Variants in LIMCH1 observed in about 807,000 individuals in gnomAD.
LIMCH1 encodes the protein LIM and calponin homology domains-containing protein 1.
In LIMCH1, 113 loss-of-function variants were observed where a neutral mutation model predicts 176.5. That is an observed-to-expected ratio of 0.64 (90% CI 0.55 to 0.75). The LOEUF is 0.75. Among genes scored for constraint, LIMCH1 ranks in the 30% least tolerant of loss-of-function variants. LIMCH1 has a pLI of 0.00. For synonymous variants in LIMCH1, 619 were observed against 645.9 expected, an observed-to-expected ratio of 0.96 and a Z score of 0.63; for missense variants, 1,674 against 1,814.9, an observed-to-expected ratio of 0.92 and a Z score of 1.41.
rs886235155 is a variant in LIMCH1, at chr4:41,627,107, T to G, written c.1028+97T>G. 3 of 1,419,620 alleles carry G rather than the reference T, an allele frequency of 2.1e-6. No individual in the cohort carries two copies. The African/African-American group carries it at 4.3e-5, about 20-fold the overall frequency. The allele number at this position is 1,419,620 out of a possible 1,614,324, so 87.9% of individuals were successfully genotyped here. ...ATAATTAAGTGAAGTCAGTTTGTAT[T>G]GTACCCCCTCCAGTTCCTCTTTCCA... On this transcript the variant is annotated intron_variant, in intron 8 of 31. Transcript: ENST00000503057.
intron 1 of LIMCH1, among the ~76,000 whole-genome samples, chr4:41,367,770 A>G: frequency 6.6e-6 from 1 of 151,378 alleles, no homozygotes. Context: ...GGAACGCTGA[A>G]ACAGGAGAAT....
Position 41,619,177 on chromosome 4 carries a change from C to T in LIMCH1, c.206-11C>T, listed in dbSNP as rs757048049. On this transcript the variant is annotated splice_polypyrimidine_tract_variant and intron_variant, in intron 5 of 31. Transcript: ENST00000503057. ...AACACACTTTCTCAGTACCCATCCT[C>T]TCTTCCCTAGGGAGAGGAAGCGACT... The T allele has an allele frequency of 2.9e-5, 46 of 1,613,926 alleles. No homozygotes were observed. The highest frequency in any genetic ancestry group is 1.0e-5 in the Non-Finnish European group (12 of 1,179,918).
chr4:41,400,327 C>T (rs2058291995), intron 1 of LIMCH1, among the ~76,000 whole-genome samples: 1 of 152,022 alleles, frequency 6.6e-6, no homozygotes, highest in African/African-American at 2.4e-5. Context: ...AATTTTTTAC[C>T]TTTGTATTCA....
At chr4:41,567,630 A>G (rs1010633525) in intron 1 of LIMCH1, among the ~76,000 whole-genome samples, 3 of 152,170 alleles carry the variant, frequency 2.0e-5, no homozygotes, top group African/African-American at 7.2e-5. Context: ...GTGTTACTGC[A>G]TTTTATAGAT....
At chr4:41,404,792 T>C (rs901674945) in intron 1 of LIMCH1, among the ~76,000 whole-genome samples, 2 of 151,978 alleles carry the variant, frequency 1.3e-5, no homozygotes, top group African/African-American at 4.8e-5. Context: ...AAACAAATAA[T>C]AATAATTGAT....
intron 1 of LIMCH1, among the ~76,000 whole-genome samples, chr4:41,489,578 A>G (rs2070357859): frequency 6.6e-6 from 1 of 152,120 alleles, no homozygotes; most frequent in Non-Finnish European, 1.5e-5. Flanking sequence ...GTTTAAAAAT[A>G]TTTGGGGATT....
At position 41,692,350 on chromosome 4, in the gene LIMCH1, C is replaced by T. The variant is rs748597373; in HGVS notation, c.4344C>T (p.Leu1448=). 3.7e-6 allele frequency: 6 copies of T among 1,613,066 alleles called. No homozygotes were observed. The highest frequency in any genetic ancestry group is 2.5e-6 in the Non-Finnish European group (3 of 1,179,320). The change falls in exon 31 of 32, where the codon CTC becomes CTT. Residue 1448 remains leucine (L), a synonymous_variant. Coordinates refer to ENST00000503057, the MANE Select transcript of LIMCH1 (RefSeq NM_001330672.2). ...SGTDVRIRNG[L]LNCNDCYMRS... ...CGGATGTTAGGATTCGAAATGGTCT[C>T]CTGAACTGTAATGATTGCTACATGC...
chr4:41,487,417 A>T (rs895321179), intron 1 of LIMCH1, among the ~76,000 whole-genome samples: 1 of 152,184 alleles, frequency 6.6e-6, no homozygotes, highest in African/African-American at 2.4e-5. Flanking sequence ...GGAGGAACAG[A>T]GGTGGAAACT....
At chr4:41,499,794 G>A (rs2072913977) in intron 2 of LIMCH1, among the ~76,000 whole-genome samples, 2 of 152,020 alleles carry the variant, frequency 1.3e-5, no homozygotes, top group African/African-American at 4.8e-5. Flanking sequence ...CTCTAGCCTG[G>A]CAACAGAACA....
chr4:41,512,096 G>A (rs902596217), intron 2 of LIMCH1, among the ~76,000 whole-genome samples: 7 of 151,912 alleles, frequency 4.6e-5, no homozygotes, highest in African/African-American at 1.5e-4. Context: ...ACAAAATATC[G>A]GAATAGACAC....
intron 1 of LIMCH1, among the ~76,000 whole-genome samples, chr4:41,441,503 A>T (rs901186141): frequency 2.6e-5 from 4 of 152,132 alleles, no homozygotes; most frequent in Non-Finnish European, 5.9e-5. Context: ...ATGAGGAAAA[A>T]TGAAGGTGGG....
At chr4:41,533,078 CT>C (rs1419175453) in intron 3 of LIMCH1, among the ~76,000 whole-genome samples, 1 of 152,150 alleles carries the variant, frequency 6.6e-6, no homozygotes, top group Non-Finnish European at 1.5e-5. Context: ...CAAAGCCATC[CT>C]TGTGTACTTG....
At chr4:41,533,117 T>C (rs754160561) in intron 3 of LIMCH1, among the ~76,000 whole-genome samples, 14 of 152,150 alleles carry the variant, frequency 9.2e-5, no homozygotes, top group Non-Finnish European at 1.5e-4. Context: ...TAGAACAGCT[T>C]ACAGGGTTGC....
intron 2 of LIMCH1, among the ~76,000 whole-genome samples, chr4:41,520,137 C>T (rs922226572): frequency 3.3e-5 from 5 of 152,122 alleles, no homozygotes; most frequent in Non-Finnish European, 5.9e-5. Context: ...CTCTGTTTTA[C>T]GAATCTTCTT....
At position 41,603,906 on chromosome 4, in the gene LIMCH1, G is replaced by GT; in HGVS notation, c.-103+2dup. ...TGATTATAGTAGGAAGCTGAAAAAT[G>GT]TAAGTGTTTTAACTTCCAAACTTGT... On this transcript the variant is annotated splice_donor_variant, in intron 3 of 31. Coordinates refer to ENST00000503057, the MANE Select transcript of LIMCH1 (RefSeq NM_001330672.2). LOFTEE classifies it low-confidence loss of function (5UTR_SPLICE). The GT allele has an allele frequency of 6.2e-7, 1 of 1,607,402 alleles. No homozygotes were observed. Among genetic ancestry groups the GT allele is most frequent in the Non-Finnish European group, 8.5e-7 (1 of 1,174,784 alleles).
chr4:41,431,145 TG>T (rs573065064), intron 1 of LIMCH1, among the ~76,000 whole-genome samples: 1 of 152,240 alleles, frequency 6.6e-6, no homozygotes, highest in Non-Finnish European at 1.5e-5. Flanking sequence ...TAGTGGGTTA[TG>T]GGTTGTGTCC....
intron 17 of LIMCH1, among the ~76,000 whole-genome samples, chr4:41,649,865 C>G (rs185071091): frequency 2.6e-5 from 4 of 152,290 alleles, no homozygotes; most frequent in African/African-American, 7.2e-5. Flanking sequence ...AATAGAGATT[C>G]ACTGTAACAG....
intron 23 of LIMCH1, among the ~76,000 whole-genome samples, chr4:41,678,082 G>A (rs891193008): frequency 5.3e-5 from 8 of 151,860 alleles, no homozygotes; most frequent in Admixed American, 3.3e-4. Flanking sequence ...CTATCCCTCC[G>A]CTAGCCCCCC....
intron 1 of LIMCH1, among the ~76,000 whole-genome samples, chr4:41,363,467 TA>T (rs2154091553): frequency 6.6e-6 from 1 of 152,310 alleles, no homozygotes; most frequent in South Asian, 2.1e-4. Context: ...CACCCTTTCA[TA>T]AAAATGTTCC....
Sources: allele counts gnomAD v4.1 joint callset (sites outside exome capture counted in the v4.1 genomes callset), GRCh38; gene constraint gnomAD v4.1.1; transcripts MANE v1.5; gene names NCBI Gene and HGNC (gene_info 2026-07-23, HGNC 2026-07-21).